The following MYT1L variants were observed in gnomAD, a reference collection of about 807,000 sequenced individuals.
The protein encoded by MYT1L is myelin transcription factor 1-like protein.
A neutral mutation model predicts 126.7 loss-of-function variants in MYT1L; 12 were observed. The ratio of observed to expected loss-of-function variants is 0.09; its 90% CI spans 0.06 to 0.15. The LOEUF (loss-of-function observed/expected upper bound fraction) is 0.15, where lower values mean the gene tolerates loss of function less well. Ranked by LOEUF, MYT1L falls within the 10% of genes least tolerant of loss-of-function variation. The pLI is 1.00. For synonymous variants in MYT1L, 541 were observed against 604.2 expected (o/e 0.90, Z 1.53); for missense variants, 979 against 1,585.2 (o/e 0.62, Z 6.49).
intron 13 of MYT1L, among the ~76,000 whole-genome samples, chr2:1,908,121 A>G: frequency 6.6e-6 from 1 of 152,210 alleles, no homozygotes; most frequent in Non-Finnish European, 1.5e-5. Flanking sequence ...CACAGTAGTT[A>G]CTCCCAGCCT....
rs1182673528 is a variant in MYT1L at position 2,008,936 on chromosome 2, G to C, written c.-157-11589C>G. Among the ~76,000 whole-genome samples the C allele has an allele frequency of 2.6e-5, 4 of 151,996 alleles. 1 individual carries two copies. The East Asian group carries it at 7.7e-4, about 29-fold the overall frequency. On this transcript the variant is annotated intron_variant, in intron 4 of 24. Transcript: ENST00000647738. ...TTTTCCCAGCACGGTTTATTGAAGG[G>C]ACTGTCCTTTCCCCATTGTGTCCTC...
In MYT1L at chr2:2,175,001, G is replaced by A. The variant is rs142332697; in HGVS notation, c.-420-2013C>T. Among the ~76,000 whole-genome samples the A allele has an allele frequency of 3.5e-4, 53 of 152,236 alleles. No individual in the cohort carries two copies. The East Asian group carries it at 0.01, about 29-fold the overall frequency. On this transcript the variant is annotated intron_variant, in intron 2 of 24. Transcript: ENST00000647738. ...CCAGGCAGCAAGTGAGCCATGAGTA[G>A]AGAAGTGTGGTGCTCTCCTTGTGAG...
At chr2:2,050,684 C>T (rs2068726016) in intron 4 of MYT1L, among the ~76,000 whole-genome samples, 1 of 152,150 alleles carries the variant, frequency 6.6e-6, no homozygotes, top group African/African-American at 2.4e-5. Flanking sequence ...TAAGCTGCTG[C>T]AGACAGAAAA....
chr2:2,205,434 C>T (rs917809513), intron 2 of MYT1L, among the ~76,000 whole-genome samples: 9 of 151,930 alleles, frequency 5.9e-5, no homozygotes, highest in Non-Finnish European at 1.2e-4. Flanking sequence ...AGTAATGTTC[C>T]CTAAATTCAA....
chr2:1,810,429 C>T (rs1446717653), intron 21 of MYT1L, among the ~76,000 whole-genome samples: 1 of 152,090 alleles, frequency 6.6e-6, no homozygotes, highest in South Asian at 2.1e-4. Flanking sequence ...CATGAGCCAC[C>T]GCACCCCGCC....
At chr2:2,111,248 C>A (rs924591125) in intron 3 of MYT1L, among the ~76,000 whole-genome samples, 3 of 152,200 alleles carry the variant, frequency 2.0e-5, no homozygotes, top group Non-Finnish European at 4.4e-5. Context: ...TCTCACTGAG[C>A]TCCAGACATT....
At chr2:2,206,404 T>A (rs1025505335) in intron 2 of MYT1L, among the ~76,000 whole-genome samples, 1 of 152,226 alleles carries the variant, frequency 6.6e-6, no homozygotes, top group Non-Finnish European at 1.5e-5. Flanking sequence ...ATCCTTTTGA[T>A]AAAACGTCCA....
chr2:2,105,020 C>G (rs1336639219), intron 3 of MYT1L, among the ~76,000 whole-genome samples: 3 of 152,130 alleles, frequency 2.0e-5, no homozygotes, highest in Non-Finnish European at 4.4e-5. Context: ...TAGCAGTAAC[C>G]TTTTTATGAT....
At chr2:1,978,399 A>T (rs1187892751) in intron 8 of MYT1L, among the ~76,000 whole-genome samples, 4 of 152,214 alleles carry the variant, frequency 2.6e-5, no homozygotes, top group Admixed American at 1.3e-4. Flanking sequence ...AAACCTTTCT[A>T]TTGAAAGACA....
chr2:1,887,293 T>A lies in MYT1L; in HGVS notation c.2642+195A>T, dbSNP rs1430570740. On this transcript the variant is annotated intron_variant, in intron 17 of 24. Transcript: ENST00000647738. The surrounding 1 kb of genome is among the most constrained non-coding windows in gnomAD (Gnocchi z 4.8). ...GGGTTAAATGAAAATGACGCCCCCA[T>A]CCGACAGAGCGTCACTGGGAACAGG... 1.3e-5 allele frequency among the ~76,000 whole-genome samples: 2 copies of A among 152,146 alleles called. No individual in the cohort carries two copies. The highest frequency in any genetic ancestry group is 2.9e-5 in the Non-Finnish European group (2 of 68,024).
intron 1 of MYT1L, chr2:2,324,134 T>C (rs10199604): frequency 0.3 from 46,062 of 152,042 alleles, 7,322 homozygotes; most frequent in South Asian, 0.45. Context: ...GTGGAACAAA[T>C]GCTCTGGTGA....
intron 14 of MYT1L, among the ~76,000 whole-genome samples, chr2:1,893,201 G>A (rs747470): frequency 0.012 from 1,768 of 152,268 alleles, 37 homozygotes; most frequent in African/African-American, 0.04. Flanking sequence ...ATCTCCTTTA[G>A]TACATGACAA....
In MYT1L at chr2:1,797,595, A is replaced by C. The variant is rs375198943; in HGVS notation, c.3276+4101T>G. ...GACTCTTCTTTTCAAGCTGCCAAGC[A>C]TAAGAATGGATTTTTCAGCCACATA... On this transcript the variant is annotated intron_variant, in intron 23 of 24. Coordinates refer to ENST00000647738, the MANE Select transcript of MYT1L (RefSeq NM_001303052.2). Among the ~76,000 whole-genome samples the C allele has an allele frequency of 2.6e-5, 4 of 152,220 alleles. No homozygotes were observed. The East Asian group carries it at 5.8e-4, about 22-fold the overall frequency.
intron 21 of MYT1L, among the ~76,000 whole-genome samples, chr2:1,819,015 A>G (rs1364195244): frequency 6.6e-6 from 1 of 152,036 alleles, no homozygotes; most frequent in African/African-American, 2.4e-5. Context: ...CAGCTCCCAG[A>G]CCAGGTCCCT....
rs563747844 is a variant in MYT1L at position 1,968,511 on chromosome 2, C to T, written c.152+10654G>A. On this transcript the variant is annotated intron_variant, in intron 8 of 24. Transcript: ENST00000647738. ...CAAGTAGTGCATTAGATAATATTCACGGCCCTGCAGAGTGGCTACCGAATT... is the reference window on the plus strand; with the variant it reads ...CAAGTAGTGCATTAGATAATATTCATGGCCCTGCAGAGTGGCTACCGAATT... Among the ~76,000 whole-genome samples, 29 of 152,302 alleles carry T rather than the reference C, an allele frequency of 1.9e-4. No homozygotes were observed. The South Asian group carries it at 5.8e-3, about 30-fold the overall frequency.
intron 2 of MYT1L, among the ~76,000 whole-genome samples, chr2:2,240,975 A>G (rs6548121): frequency 0.67 from 102,593 of 152,078 alleles, 35,625 homozygotes; most frequent in East Asian, 0.97. Flanking sequence ...GGTTTAGCTT[A>G]TGAGTGAATG....
chr2:1,803,450 TTCATGATAAATG>T (rs1481230886), intron 22 of MYT1L, among the ~76,000 whole-genome samples: 1 of 152,220 alleles, frequency 6.6e-6, no homozygotes, highest in Non-Finnish European at 1.5e-5. Context: ...GTTTGAAGAA[TTCATGATAAATG>T]TCAAACTAAC....
At chr2:1,921,085 T>C (rs973794418) in intron 10 of MYT1L, among the ~76,000 whole-genome samples, 3 of 152,220 alleles carry the variant, frequency 2.0e-5, no homozygotes, top group Admixed American at 2.0e-4. Context: ...AGTGCAGTTT[T>C]TCTGATTGCT....
chr2:2,117,703 C>G (rs1188204268), intron 3 of MYT1L, among the ~76,000 whole-genome samples: 1 of 152,060 alleles, frequency 6.6e-6, no homozygotes, highest in Admixed American at 6.6e-5. Context: ...AATAAGAAAA[C>G]CATGACTGGG....
Sources: allele counts gnomAD v4.1 joint callset (sites outside exome capture counted in the v4.1 genomes callset), GRCh38; gene constraint gnomAD v4.1.1; non-coding constraint Gnocchi (gnomAD v3.1); transcripts MANE v1.5; gene names NCBI Gene and HGNC (gene_info 2026-07-23, HGNC 2026-07-21).